Variants in EYS observed in about 807,000 individuals in gnomAD.
EYS encodes EGF-like photoreceptor maintenance factor.
EYS carries 250 observed loss-of-function variants against 282.1 expected under a neutral mutation model. That is an observed-to-expected ratio of 0.89 (90% confidence interval 0.80 to 0.98). The LOEUF (loss-of-function observed/expected upper bound fraction) is 0.98, where lower values mean the gene tolerates loss of function less well. EYS is among the 50% of genes least tolerant of loss of function. The probability of loss-of-function intolerance (pLI) is 0.00; values close to 1 mark genes in which losing one functional copy is unlikely to be tolerated. For missense variants in EYS, 4,016 were observed against 3,709.0 expected (o/e 1.08, Z -2.15); for synonymous variants, 1,355 against 1,282.9 (o/e 1.06, Z -1.20).
At chr6:64,919,335 AT>A (rs1165539669) in intron 15 of EYS, among the ~76,000 whole-genome samples, 1 of 150,792 alleles carries the variant, frequency 6.6e-6, no homozygotes, top group Admixed American at 6.6e-5. Context: ...GCACCCGGCT[AT>A]TTTTTGTATT....
chr6:64,041,070 G>C (rs1463406690), intron 33 of EYS, among the ~76,000 whole-genome samples: 1 of 152,156 alleles, frequency 6.6e-6, no homozygotes, highest in Non-Finnish European at 1.5e-5. Flanking sequence ...TAGTGTGTTT[G>C]TAATTTTAGA....
intron 35 of EYS, among the ~76,000 whole-genome samples, chr6:63,971,066 G>A (rs2149783480): frequency 6.6e-6 from 1 of 152,236 alleles, no homozygotes. Flanking sequence ...GGTACTTTTT[G>A]TTCAAAACAA....
At chr6:63,962,034 G>A (rs1258014295) in intron 35 of EYS, among the ~76,000 whole-genome samples, 53 of 152,124 alleles carry the variant, frequency 3.5e-4, no homozygotes, top group Admixed American at 3.5e-3. Flanking sequence ...AATAAACGGT[G>A]TTGGGAAAAC....
chr6:65,342,331 GAT>G (rs747915499), intron 10 of EYS, among the ~76,000 whole-genome samples: 16 of 150,904 alleles, frequency 1.1e-4, no homozygotes, highest in Non-Finnish European at 2.1e-4. Context: ...TTTAATAACA[GAT>G]ATAATTTAAA....
intron 2 of EYS, among the ~76,000 whole-genome samples, chr6:65,635,257 CA>C: frequency 6.6e-6 from 1 of 152,278 alleles, no homozygotes; most frequent in Middle Eastern, 3.4e-3. Flanking sequence ...CTAGAGTGAC[CA>C]TCAGCCTTTT....
chr6:64,864,962 G>A lies in EYS; in HGVS notation c.2992+21735C>T, dbSNP rs555890277. ...GAGGCGAATTGCTTGCACCTGAGAG[G>A]CAGAGGTTGCAGTGAGCCTAGATAG... On this transcript the variant is annotated intron_variant, in intron 19 of 42. Coordinates refer to ENST00000503581, the MANE Select transcript of EYS (RefSeq NM_001142800.2). Among the ~76,000 whole-genome samples the A allele has an allele frequency of 3.9e-5, 6 of 152,026 alleles. No individual in the cohort carries two copies. The East Asian group carries it at 1.2e-3, about 30-fold the overall frequency.
intron 12 of EYS, among the ~76,000 whole-genome samples, chr6:65,096,530 T>C (rs961447612): frequency 1.3e-5 from 2 of 150,816 alleles, no homozygotes; most frequent in Non-Finnish European, 3.0e-5. Flanking sequence ...AGAACCCTCA[T>C]AGATGAAACA....
chr6:65,625,369 T>TTCAC (rs1346960417), intron 2 of EYS, among the ~76,000 whole-genome samples: 1 of 152,226 alleles, frequency 6.6e-6, no homozygotes, highest in African/African-American at 2.4e-5. Flanking sequence ...GTTGTTTTAT[T>TTCAC]TCACTAAGGT....
chr6:64,705,836 A>G (rs181746664), intron 22 of EYS, among the ~76,000 whole-genome samples: 81,805 of 100,142 alleles, frequency 0.82, 33,027 homozygotes, highest in Non-Finnish European at 0.86. Context: ...GTGGGGTGGG[A>G]GGGAGGGGGG....
chr6:64,248,642 A>G (rs1021682826), intron 30 of EYS, among the ~76,000 whole-genome samples: 2 of 152,170 alleles, frequency 1.3e-5, no homozygotes, highest in African/African-American at 4.8e-5. Flanking sequence ...TAGGAAGGTA[A>G]ATTGTACAGC....
intron 14 of EYS, among the ~76,000 whole-genome samples, chr6:64,974,976 G>T (rs1003231998): frequency 6.6e-6 from 1 of 151,696 alleles, no homozygotes; most frequent in Admixed American, 6.6e-5. Context: ...ATGACAGCAG[G>T]CTCATGGTTA....
At chr6:65,161,839 T>C (rs1487001433) in intron 12 of EYS, among the ~76,000 whole-genome samples, 1 of 151,194 alleles carries the variant, frequency 6.6e-6, no homozygotes, top group African/African-American at 2.4e-5. Context: ...ATCCTTTATT[T>C]ATGCCTGAGT....
chr6:65,517,226 C>T (rs1196376123), intron 2 of EYS, among the ~76,000 whole-genome samples: 1 of 151,450 alleles, frequency 6.6e-6, no homozygotes, highest in East Asian at 1.9e-4. Context: ...CATTATAAAC[C>T]TAGGATATAT....
At chr6:64,341,663 G>A (rs1448425403) in intron 29 of EYS, among the ~76,000 whole-genome samples, 6 of 151,602 alleles carry the variant, frequency 4.0e-5, no homozygotes, top group Non-Finnish European at 7.4e-5. Flanking sequence ...CCTCTTTATT[G>A]TAACTAAAAG....
intron 2 of EYS, among the ~76,000 whole-genome samples, chr6:65,522,617 ATACTT>A (rs1309950692): frequency 6.6e-6 from 1 of 152,178 alleles, no homozygotes; most frequent in Non-Finnish European, 1.5e-5. Context: ...AAAAGCATAA[ATACTT>A]TAAGAATTTC....
At chr6:65,081,765 C>T (rs990650202) in intron 12 of EYS, among the ~76,000 whole-genome samples, 1 of 152,004 alleles carries the variant, frequency 6.6e-6, no homozygotes, top group Non-Finnish European at 1.5e-5. Flanking sequence ...AAACATGGGT[C>T]ACAATTTTAA....
intron 2 of EYS, among the ~76,000 whole-genome samples, chr6:65,599,422 T>C (rs11963452): frequency 0.19 from 28,891 of 151,848 alleles, 3,237 homozygotes; most frequent in African/African-American, 0.31. Flanking sequence ...AGAGGTTATG[T>C]TCTTCATCTT....
intron 41 of EYS, among the ~76,000 whole-genome samples, chr6:63,760,760 A>G (rs1769618417): frequency 2.0e-5 from 3 of 151,800 alleles, no homozygotes; most frequent in Admixed American, 6.6e-5. Flanking sequence ...TAATCTATTT[A>G]TATACATCCA....
chr6:63,798,200 C>T (rs1770693585), intron 37 of EYS, among the ~76,000 whole-genome samples: 1 of 152,142 alleles, frequency 6.6e-6, no homozygotes, highest in African/African-American at 2.4e-5. Context: ...ATCTGTATAT[C>T]TTTGTCATTT....
Sources: allele counts gnomAD v4.1 joint callset (sites outside exome capture counted in the v4.1 genomes callset), GRCh38; gene constraint gnomAD v4.1.1; transcripts MANE v1.5; gene names NCBI Gene and HGNC (gene_info 2026-07-23, HGNC 2026-07-21).